The following PCED1B variants were observed in gnomAD, a reference collection of about 807,000 sequenced individuals.
PCED1B encodes PC-esterase domain-containing protein 1B.
For missense variants in PCED1B, 573 were observed against 573.9 expected (o/e 1.00, Z 0.02); for synonymous variants, 251 against 246.1 (o/e 1.02, Z -0.19).
chr12:47,153,355 C>CAAAA lies in PCED1B; in HGVS notation c.-526+49178_-526+49181dup, dbSNP rs11299918. On this transcript the variant is annotated intron_variant, in intron 2 of 3. Transcript: ENST00000546455. ...TGGGTGACAGAGCAAGACTCCTTCT[C>CAAAA]AAAAAAAAAAAAAAAAAAAAAGAGA... Among the ~76,000 whole-genome samples, 235 of 95,260 alleles carry CAAAA rather than the reference C, an allele frequency of 2.5e-3. 1 individual carries two copies. The highest frequency in any genetic ancestry group is 3.3e-3 in the Non-Finnish European group (163 of 48,822). 62.5% of individuals were successfully genotyped at this position (95,260 alleles called of 152,430 possible). A position where few individuals can be genotyped will look rare whatever the true frequency, so the allele number is the denominator to read the frequency against.
At chr12:47,233,299 G>A (rs941208149) in intron 3 of PCED1B, among the ~76,000 whole-genome samples, 6 of 152,136 alleles carry the variant, frequency 3.9e-5, no homozygotes, top group Admixed American at 6.5e-5. Context: ...CCGCCACCAC[G>A]CCCGGCTAAT....
intron 2 of PCED1B, among the ~76,000 whole-genome samples, chr12:47,194,775 A>G (rs1942549923): frequency 6.6e-6 from 1 of 152,194 alleles, no homozygotes; most frequent in Non-Finnish European, 1.5e-5. Context: ...AAGCAGCAAT[A>G]TGTGGCCAGG....
chr12:47,109,104 A>C (rs1431392996), intron 2 of PCED1B, among the ~76,000 whole-genome samples: 1 of 152,210 alleles, frequency 6.6e-6, no homozygotes, highest in Non-Finnish European at 1.5e-5. Context: ...CACCTACTTG[A>C]TAGTACTCTA....
At chr12:47,133,048 C>T (rs1940196646) in intron 2 of PCED1B, among the ~76,000 whole-genome samples, 1 of 151,918 alleles carries the variant, frequency 6.6e-6, no homozygotes, top group South Asian at 2.1e-4. Context: ...GATAATTTTC[C>T]CCTGTTTCTT....
At chr12:47,165,306 TG>T (rs1158867034) in intron 2 of PCED1B, among the ~76,000 whole-genome samples, 3 of 152,230 alleles carry the variant, frequency 2.0e-5, no homozygotes, top group African/African-American at 7.2e-5. Context: ...TAGTACTGCC[TG>T]TGGTTGCAAA....
intron 2 of PCED1B, among the ~76,000 whole-genome samples, chr12:47,179,421 T>A (rs188921691): frequency 3.2e-4 from 49 of 152,324 alleles, no homozygotes; most frequent in African/African-American, 1.1e-3. Flanking sequence ...CCTCTCAGAG[T>A]CTGCTTCTTT....
chr12:47,125,545 G>A (rs1475274174), intron 2 of PCED1B, among the ~76,000 whole-genome samples: 2 of 151,942 alleles, frequency 1.3e-5, no homozygotes, highest in Non-Finnish European at 2.9e-5. Flanking sequence ...TTTGACAAGA[G>A]GTCTGCTGGG....
chr12:47,219,899 C>G (rs1419910431), intron 3 of PCED1B, among the ~76,000 whole-genome samples: 1 of 151,848 alleles, frequency 6.6e-6, no homozygotes, highest in Admixed American at 6.6e-5. Context: ...TTAAGCTTAT[C>G]TAATTATTCA....
chr12:47,124,311 T>G (rs1166697418), intron 2 of PCED1B, among the ~76,000 whole-genome samples: 2 of 152,058 alleles, frequency 1.3e-5, no homozygotes, highest in African/African-American at 4.8e-5. Context: ...CTCAGCATAA[T>G]TACTTTAAGA....
chr12:47,188,694 A>G (rs1451054850), intron 2 of PCED1B, among the ~76,000 whole-genome samples: 1 of 152,192 alleles, frequency 6.6e-6, no homozygotes, highest in Admixed American at 6.5e-5. Flanking sequence ...CCCAAATTGA[A>G]ACGTGCAATG....
At chr12:47,207,727 A>C (rs1942953972) in intron 2 of PCED1B, among the ~76,000 whole-genome samples, 1 of 152,230 alleles carries the variant, frequency 6.6e-6, no homozygotes. Flanking sequence ...AAGAACTTGC[A>C]TCAGTCTTGT....
intron 2 of PCED1B, among the ~76,000 whole-genome samples, chr12:47,190,221 A>C (rs909277872): frequency 6.6e-6 from 1 of 152,240 alleles, no homozygotes; most frequent in Non-Finnish European, 1.5e-5. Flanking sequence ...GTTGTCTCTC[A>C]GTCTATCCCA....
chr12:47,174,384 A>G lies in PCED1B; in HGVS notation c.-525-41838A>G, dbSNP rs973058546. Reference sequence around the variant, plus strand: ...AGATTGCGCTACCGCACTCCAGCCTAGGCTATAGAGTGAGACTCAATCCAA... The same window carrying G: ...AGATTGCGCTACCGCACTCCAGCCTGGGCTATAGAGTGAGACTCAATCCAA... On this transcript the variant is annotated intron_variant, in intron 2 of 3. Transcript: ENST00000546455. Among the ~76,000 whole-genome samples, 10 of 151,024 alleles carry G rather than the reference A, an allele frequency of 6.6e-5. No individual in the cohort carries two copies. In the East Asian group the frequency reaches 1.7e-3, roughly 26 times the overall value.
At chr12:47,154,597 A>G (rs746048036) in intron 2 of PCED1B, among the ~76,000 whole-genome samples, 3 of 152,016 alleles carry the variant, frequency 2.0e-5, no homozygotes, top group Non-Finnish European at 4.4e-5. Context: ...CCTACTTATA[A>G]TCTGGTTCTG....
chr12:47,227,763 C>G (rs556148236), intron 3 of PCED1B, among the ~76,000 whole-genome samples: 124 of 151,952 alleles, frequency 8.2e-4, no homozygotes, highest in African/African-American at 2.2e-3. Flanking sequence ...CAAGGCACGA[C>G]AATTGCTTGA....
At chr12:47,182,564 C>T (rs1942128157) in intron 2 of PCED1B, among the ~76,000 whole-genome samples, 1 of 151,012 alleles carries the variant, frequency 6.6e-6, no homozygotes, top group Non-Finnish European at 1.5e-5. Context: ...GCACTCCAAC[C>T]TGGGTGACAG....
At chr12:47,198,648 C>G (rs1305926089) in intron 2 of PCED1B, among the ~76,000 whole-genome samples, 2 of 151,798 alleles carry the variant, frequency 1.3e-5, no homozygotes, top group African/African-American at 2.4e-5. Flanking sequence ...AAACTTTGTT[C>G]ACAGATGACG....
chr12:47,120,946 A>G (rs1939651433), intron 2 of PCED1B, among the ~76,000 whole-genome samples: 1 of 152,172 alleles, frequency 6.6e-6, no homozygotes, highest in Admixed American at 6.5e-5. Flanking sequence ...TAACAGGAAA[A>G]TCTATAAAGA....
intron 2 of PCED1B, among the ~76,000 whole-genome samples, chr12:47,174,798 G>C (rs1384816099): frequency 6.6e-6 from 1 of 152,174 alleles, no homozygotes; most frequent in Non-Finnish European, 1.5e-5. Context: ...GGGTCAGAGA[G>C]ATGCAAGTTC....
Sources: allele counts gnomAD v4.1 joint callset (sites outside exome capture counted in the v4.1 genomes callset), GRCh38; gene constraint gnomAD v4.1.1; transcripts MANE v1.5; gene names NCBI Gene and HGNC (gene_info 2026-07-23, HGNC 2026-07-21).